Variants in NEK11 observed in about 807,000 individuals in gnomAD.
NEK11 encodes the protein serine/threonine-protein kinase Nek11.
A neutral mutation model predicts 80.7 loss-of-function variants in NEK11; 72 were observed. That is an observed-to-expected ratio of 0.89 (90% CI 0.74 to 1.08). NEK11 has a LOEUF of 1.08. NEK11 is among the 50% of genes least tolerant of loss of function. The pLI is 0.00. For missense variants in NEK11, 764 were observed against 763.6 expected, an observed-to-expected ratio of 1.00 and a Z score of -0.01; for synonymous variants, 251 against 260.7, an observed-to-expected ratio of 0.96 and a Z score of 0.36.
intron 14 of NEK11, among the ~76,000 whole-genome samples, chr3:131,178,465 T>C (rs1445336881): frequency 6.6e-6 from 1 of 152,246 alleles, no homozygotes; most frequent in Admixed American, 6.5e-5. Context: ...ATAAGCATTT[T>C]CTATTTTTAA....
At chr3:131,078,845 A>T (rs893196335) in intron 3 of NEK11, among the ~76,000 whole-genome samples, 2 of 150,890 alleles carry the variant, frequency 1.3e-5, no homozygotes, top group African/African-American at 4.8e-5. Context: ...GCCAGCATCC[A>T]ATGTCCTCTG....
At chr3:131,137,540 G>A (rs1433248935) in intron 7 of NEK11, among the ~76,000 whole-genome samples, 2 of 152,110 alleles carry the variant, frequency 1.3e-5, no homozygotes, top group Non-Finnish European at 2.9e-5. Flanking sequence ...TCAGAAGAAA[G>A]CTATTGACCA....
chr3:131,186,589 C>T (rs762264304), intron 14 of NEK11, among the ~76,000 whole-genome samples: 1 of 152,130 alleles, frequency 6.6e-6, no homozygotes, highest in African/African-American at 2.4e-5. Flanking sequence ...CCTTAGAAGA[C>T]GCTCCTTTGC....
At chr3:131,338,986 A>AT (rs1049728827) in intron 17 of NEK11, among the ~76,000 whole-genome samples, 1 of 148,098 alleles carries the variant, frequency 6.8e-6, no homozygotes, top group East Asian at 1.9e-4. Flanking sequence ...TGTTATATAT[A>AT]TTTTTTTATC....
chr3:131,303,605 T>C (rs1337228552), intron 17 of NEK11, among the ~76,000 whole-genome samples: 1 of 152,182 alleles, frequency 6.6e-6, no homozygotes, highest in Admixed American at 6.5e-5. Flanking sequence ...GTTTTTTGTT[T>C]ATGAAGCTTA....
chr3:131,253,275 A>G (rs1580918476), intron 16 of NEK11, among the ~76,000 whole-genome samples: 2 of 152,134 alleles, frequency 1.3e-5, no homozygotes, highest in South Asian at 4.1e-4. Flanking sequence ...TCTTACATGA[A>G]GGCCCCTCAT....
chr3:131,105,099 A>G (rs1020001220), intron 4 of NEK11, among the ~76,000 whole-genome samples: 1 of 152,224 alleles, frequency 6.6e-6, no homozygotes, highest in African/African-American at 2.4e-5. Context: ...TGAGAGCAGC[A>G]TGCACTAACT....
At chr3:131,202,971 A>T (rs1262077230) in intron 14 of NEK11, among the ~76,000 whole-genome samples, 1 of 149,266 alleles carries the variant, frequency 6.7e-6, no homozygotes, top group East Asian at 2.0e-4. Flanking sequence ...ATACTTTTAC[A>T]CTGTTGGTGG....
At chr3:131,143,600 T>C (rs1410737877) in intron 7 of NEK11, among the ~76,000 whole-genome samples, 1 of 152,104 alleles carries the variant, frequency 6.6e-6, no homozygotes, top group Non-Finnish European at 1.5e-5. Flanking sequence ...TCCCCCCAAA[T>C]GCTCGGAATC....
At chr3:131,293,894 G>A (rs529320596) in intron 17 of NEK11, among the ~76,000 whole-genome samples, 3 of 151,946 alleles carry the variant, frequency 2.0e-5, no homozygotes, top group Non-Finnish European at 4.4e-5. Flanking sequence ...TTATGATCTC[G>A]TAAATGTTTC....
chr3:131,347,757 G>A lies in NEK11; in HGVS notation c.1719-1800G>A, dbSNP rs567266647. ...AATTCGAGACCAGCCTGGCCAACAT[G>A]GTGAAATCCCATCTCTACCAATATT... On this transcript the variant is annotated intron_variant, in intron 17 of 17. Coordinates refer to ENST00000383366, the MANE Select transcript of NEK11 (RefSeq NM_024800.5). Among the ~76,000 whole-genome samples the A allele has an allele frequency of 2.6e-5, 4 of 152,216 alleles. No homozygotes were observed. The South Asian group carries it at 8.3e-4, about 32-fold the overall frequency.
chr3:131,063,045 G>T (rs2071195931), intron 3 of NEK11, among the ~76,000 whole-genome samples: 2 of 152,218 alleles, frequency 1.3e-5, no homozygotes, highest in African/African-American at 4.8e-5. Flanking sequence ...TATTTTAAGA[G>T]ACAGACTTTT....
At chr3:131,157,148 G>T (rs1395752590) in intron 10 of NEK11, among the ~76,000 whole-genome samples, 1 of 152,174 alleles carries the variant, frequency 6.6e-6, no homozygotes, top group Non-Finnish European at 1.5e-5. Context: ...TAAAGACAGA[G>T]TCCAGCAGGG....
chr3:131,197,279 G>A (rs552234654), intron 14 of NEK11, among the ~76,000 whole-genome samples: 19 of 152,256 alleles, frequency 1.2e-4, no homozygotes, highest in Admixed American at 1.2e-3. Context: ...CTGAATTGGG[G>A]CGTAGTGGGG....
chr3:131,180,350 C>A (rs1186329544), intron 14 of NEK11, among the ~76,000 whole-genome samples: 1 of 151,862 alleles, frequency 6.6e-6, no homozygotes, highest in Non-Finnish European at 1.5e-5. Flanking sequence ...TGAACAAAAC[C>A]CAAATATATA....
At chr3:131,093,274 A>G (rs755736049) in intron 4 of NEK11, among the ~76,000 whole-genome samples, 2 of 152,218 alleles carry the variant, frequency 1.3e-5, no homozygotes, top group Admixed American at 6.5e-5. Context: ...AAAGTTGTCT[A>G]CAAACTGTCA....
At chr3:131,193,034 T>G (rs573420238) in intron 14 of NEK11, among the ~76,000 whole-genome samples, 1 of 152,322 alleles carries the variant, frequency 6.6e-6, no homozygotes, top group East Asian at 1.9e-4. Context: ...TCTATAGATA[T>G]ATACCGTATT....
At chr3:131,216,455 A>T (rs1389492347) in intron 14 of NEK11, among the ~76,000 whole-genome samples, 1 of 152,266 alleles carries the variant, frequency 6.6e-6, no homozygotes, top group Non-Finnish European at 1.5e-5. Flanking sequence ...CAAGGCTTGC[A>T]GCAGCCTGTG....
At chr3:131,050,272 A>G (rs1452324895) in intron 3 of NEK11, among the ~76,000 whole-genome samples, 1 of 152,264 alleles carries the variant, frequency 6.6e-6, no homozygotes, top group Non-Finnish European at 1.5e-5. Context: ...AGATTGCAGT[A>G]GAGTTTTAAG....
Sources: allele counts gnomAD v4.1 joint callset (sites outside exome capture counted in the v4.1 genomes callset), GRCh38; gene constraint gnomAD v4.1.1; transcripts MANE v1.5; gene names NCBI Gene and HGNC (gene_info 2026-07-23, HGNC 2026-07-21).